The following ZNF429 variants were observed in gnomAD, a reference collection of about 807,000 sequenced individuals.
The protein encoded by ZNF429 is zinc finger protein 429.
ZNF429 carries 53 observed loss-of-function variants against 56.8 expected under a neutral mutation model. That is an observed-to-expected ratio of 0.93 (90% confidence interval 0.75 to 1.17). The LOEUF is 1.17. ZNF429 is among the 50% of genes most tolerant of loss of function. ZNF429 has a pLI of 0.00. For missense variants in ZNF429, 849 were observed against 788.4 expected, an observed-to-expected ratio of 1.08 and a Z score of -0.92; for synonymous variants, 278 against 264.7, an observed-to-expected ratio of 1.05 and a Z score of -0.49.
chr19:21,511,917 A>C (rs1489626652), intron 1 of ZNF429, among the ~76,000 whole-genome samples: 2 of 152,256 alleles, frequency 1.3e-5, no homozygotes, highest in East Asian at 3.9e-4. Context: ...TCCACCAAAA[A>C]AATACGAAAA....
At chr19:21,511,155 G>A (rs1010088164) in intron 1 of ZNF429, among the ~76,000 whole-genome samples, 38 of 151,076 alleles carry the variant, frequency 2.5e-4, no homozygotes, top group African/African-American at 7.8e-4. Context: ...CAGAAGGGGC[G>A]GCCAGGCAGA....
At chr19:21,531,016 G>T in intron 3 of ZNF429, among the ~76,000 whole-genome samples, 3 of 147,456 alleles carry the variant, frequency 2.0e-5, no homozygotes, top group South Asian at 4.4e-4. Flanking sequence ...TGAGGCAGGA[G>T]AATCGCTTGA....
chr19:21,537,008 G>A lies in ZNF429; in HGVS notation c.955G>A (p.Gly319Ser). ...GAAACCCTACAAATGTAAAGAATGT[G>A]GCAAAGCCTTTAACCGGTCCTCAAC... ...EEKPYKCKEC[G>S]KAFNRSSTLT... The change falls in exon 4 of 4, where the codon GGC (glycine) becomes AGC (serine). Residue 319 changes from glycine to serine, a missense_variant. Transcript: ENST00000358491. The A allele has an allele frequency of 6.2e-7, 1 of 1,613,934 alleles. No individual in the cohort carries two copies. The highest frequency in any genetic ancestry group is 8.5e-7 in the Non-Finnish European group (1 of 1,179,948).
chr19:21,527,932 T>C (rs1248330985), intron 1 of ZNF429, among the ~76,000 whole-genome samples: 2 of 152,218 alleles, frequency 1.3e-5, no homozygotes, highest in Non-Finnish European at 2.9e-5. Flanking sequence ...TGGACTGTCA[T>C]GCATTTAGTA....
At chr19:21,508,613 G>A (rs1016322848) in intron 1 of ZNF429, among the ~76,000 whole-genome samples, 2 of 152,018 alleles carry the variant, frequency 1.3e-5, no homozygotes, top group Non-Finnish European at 2.9e-5. Flanking sequence ...AAAGAGGTGG[G>A]CTTCAGAAAA....
intron 3 of ZNF429, among the ~76,000 whole-genome samples, chr19:21,535,208 G>A: frequency 6.9e-6 from 1 of 144,334 alleles, no homozygotes; most frequent in East Asian, 2.0e-4. Context: ...CCCTGTCTGT[G>A]GTACTGCAGT....
intron 1 of ZNF429, among the ~76,000 whole-genome samples, chr19:21,520,953 G>C (rs576492378): frequency 6.6e-6 from 1 of 152,180 alleles, no homozygotes; most frequent in South Asian, 2.1e-4. Flanking sequence ...ACCTTAAATA[G>C]GCACTTCAAT....
At position 21,540,628 on chromosome 19, in the gene ZNF429, T is replaced by G. The variant is rs528595840; in HGVS notation, c.*2550T>G. ...CATGGTTATCTTTGTGGTATAAAAA[T>G]TTATATATAAGTATAAATAAACTCA... On this transcript the variant is annotated 3_prime_UTR_variant, in exon 4 of 4. Coordinates refer to ENST00000358491, the MANE Select transcript of ZNF429 (RefSeq NM_001001415.4). Among the ~76,000 whole-genome samples the G allele has an allele frequency of 4.6e-5, 7 of 152,038 alleles. No individual in the cohort carries two copies. In the South Asian group the frequency reaches 8.3e-4, roughly 18 times the overall value.
In ZNF429 at chr19:21,535,451, T is replaced by TCTTGCTTTCTTG; in HGVS notation, c.227-826_227-825insGCTTTCTTGCTT. 2.0e-5 allele frequency among the ~76,000 whole-genome samples: 2 copies of TCTTGCTTTCTTG among 102,370 alleles called. 1 individual carries two copies. Among genetic ancestry groups the TCTTGCTTTCTTG allele is most frequent in the African/African-American group, 8.7e-5 (2 of 23,038 alleles). The allele number at this position is 102,370 out of a possible 152,430, so 67.2% of individuals were successfully genotyped here. A position where few individuals can be genotyped will look rare whatever the true frequency, so the allele number is the denominator to read the frequency against. On this transcript the variant is annotated intron_variant, in intron 3 of 3. Coordinates refer to ENST00000358491, the MANE Select transcript of ZNF429 (RefSeq NM_001001415.4). Reference sequence around the variant, plus strand: ...TTCTTTCTTTCTTTCTTTCTTTCTTTCTTTCTTTCTTTCTTTCTTTCTTTC... The same window carrying TCTTGCTTTCTTG: ...TTCTTTCTTTCTTTCTTTCTTTCTTTCTTGCTTTCTTGCTTTCTTTCTTTCTTTCTTTCTTTC...
In ZNF429 at chr19:21,510,112, T is replaced by C. The variant is rs1052532795; in HGVS notation, c.3+4338T>C. Among the ~76,000 whole-genome samples, 24 of 152,248 alleles carry C rather than the reference T, an allele frequency of 1.6e-4. No homozygotes were observed. The South Asian group carries it at 1.9e-3, about 12-fold the overall frequency. ...TTAGTAGAGGCGGGGTTTCACCATG[T>C]TGGCCAGGCTGGTCTCGAAGTCCTT... On this transcript the variant is annotated intron_variant, in intron 1 of 3. Coordinates refer to ENST00000358491, the MANE Select transcript of ZNF429 (RefSeq NM_001001415.4).
Position 21,535,332 on chromosome 19 carries a change from T to TCTTTCTTTCTTTCTTTCTC in ZNF429, c.227-948_227-947insCTTTCTTTCTTTCTTTCTC. Among the ~76,000 whole-genome samples the TCTTTCTTTCTTTCTTTCTC allele has an allele frequency of 4.4e-4, 41 of 93,560 alleles. 2 individuals are homozygous for TCTTTCTTTCTTTCTTTCTC. Among genetic ancestry groups the TCTTTCTTTCTTTCTTTCTC allele is most frequent in the Non-Finnish European group, 7.3e-4 (31 of 42,280 alleles). 61.4% of individuals were successfully genotyped at this position (93,560 alleles called of 152,430 possible). On this transcript the variant is annotated intron_variant, in intron 3 of 3. Transcript: ENST00000358491. Reference sequence around the variant, plus strand: ...CTTTCTTTCTTTCTTTCTTTCTCTTTTCTTTTCTTTCCTTTCCTTTCTTTT... The same window carrying TCTTTCTTTCTTTCTTTCTC: ...CTTTCTTTCTTTCTTTCTTTCTCTTTCTTTCTTTCTTTCTTTCTCTCTTTTCTTTCCTTTCCTTTCTTTT...
At chr19:21,533,440 T>C in intron 3 of ZNF429, among the ~76,000 whole-genome samples, 1 of 152,168 alleles carries the variant, frequency 6.6e-6, no homozygotes, top group African/African-American at 2.4e-5. Context: ...GTGCAGAAAT[T>C]TTTTAGTGCA....
At chr19:21,512,656 C>G (rs527662411) in intron 1 of ZNF429, among the ~76,000 whole-genome samples, 1 of 103,932 alleles carries the variant, frequency 9.6e-6, no homozygotes, top group African/African-American at 4.3e-5. Context: ...GAGCAAGACT[C>G]CATCTCAAAA....
intron 1 of ZNF429, among the ~76,000 whole-genome samples, chr19:21,524,498 A>C (rs572971961): frequency 6.6e-6 from 1 of 152,190 alleles, no homozygotes; most frequent in East Asian, 1.9e-4. Flanking sequence ...ACTGCACTCC[A>C]GCCTGGGTGA....
chr19:21,525,525 A>G (rs978842360), intron 1 of ZNF429, among the ~76,000 whole-genome samples: 18 of 152,140 alleles, frequency 1.2e-4, no homozygotes, highest in African/African-American at 4.3e-4. Context: ...GCCTTGCCTC[A>G]CAGAACTGAT....
At chr19:21,534,685 A>G in intron 3 of ZNF429, among the ~76,000 whole-genome samples, 6 of 152,118 alleles carry the variant, frequency 3.9e-5, no homozygotes, top group Non-Finnish European at 8.8e-5. Flanking sequence ...TCCTAAATTT[A>G]GTAAGACTTG....
At chr19:21,516,392 GTT>G (rs1291769389) in intron 1 of ZNF429, among the ~76,000 whole-genome samples, 2 of 152,058 alleles carry the variant, frequency 1.3e-5, no homozygotes, top group African/African-American at 4.8e-5. Context: ...CAGCCGCTTT[GTT>G]CTTTTTGCTT....
At chr19:21,506,873 A>G (rs2032199240) in intron 1 of ZNF429, among the ~76,000 whole-genome samples, 1 of 149,168 alleles carries the variant, frequency 6.7e-6, no homozygotes, top group Non-Finnish European at 1.5e-5. Flanking sequence ...TGTTCAAGTA[A>G]TTCTCCTGCC....
At position 21,536,892 on chromosome 19, in the gene ZNF429, C is replaced by T; in HGVS notation, c.839C>T (p.Ser280Phe). ...STLTTHKRIH[S>F]GEKPYKCDEC... is the part of the protein sequence containing the mutation. The stretch of plus-strand genomic sequence containing the variant: ...CTTACTACCCATAAGAGAATTCATT[C>T]TGGAGAGAAGCCCTACAAATGTGAT... Residue 280 changes from serine (S) to phenylalanine (F), a missense_variant, in exon 4 of 4, where the codon TCT becomes TTT. Transcript: ENST00000358491. 2 of 1,612,242 alleles carry T rather than the reference C, an allele frequency of 1.2e-6. 1 individual carries two copies. The highest frequency in any genetic ancestry group is 3.3e-4 in the Middle Eastern group (2 of 6,060).
Sources: allele counts gnomAD v4.1 joint callset (sites outside exome capture counted in the v4.1 genomes callset), GRCh38; gene constraint gnomAD v4.1.1; transcripts MANE v1.5; gene names NCBI Gene and HGNC (gene_info 2026-07-23, HGNC 2026-07-21).